The following SLC2A5 variants were observed in gnomAD, a reference collection of about 807,000 sequenced individuals.
The protein encoded by SLC2A5 is solute carrier family 2, facilitated glucose transporter member 5.
A neutral mutation model predicts 50.3 loss-of-function variants in SLC2A5; 56 were observed. The ratio of observed to expected loss-of-function variants is 1.11; its 90% confidence interval spans 0.90 to 1.39. SLC2A5 has a LOEUF of 1.39. Ranked by LOEUF, SLC2A5 falls within the 40% of genes most tolerant of loss-of-function variation. The pLI is 0.00. For synonymous variants in SLC2A5, 269 were observed against 281.9 expected, an observed-to-expected ratio of 0.95 and a Z score of 0.46; for missense variants, 566 against 650.1, an observed-to-expected ratio of 0.87 and a Z score of 1.41.
At chr1:9,061,605 CA>C (rs3083086) in intron 1 of SLC2A5, among the ~76,000 whole-genome samples, 43 of 142,890 alleles carry the variant, frequency 3.0e-4, no homozygotes, top group Non-Finnish European at 3.3e-4. Flanking sequence ...GACCCTGTCT[CA>C]AAAAAAAAAA....
chr1:9,078,723 C>A (rs1642319434), intron 2 of SLC2A5, among the ~76,000 whole-genome samples: 1 of 152,166 alleles, frequency 6.6e-6, no homozygotes, highest in Non-Finnish European at 1.5e-5. Context: ...ATGGGTGAGG[C>A]AGCTATCAGG....
chr1:9,059,144 T>C (rs1569882132), intron 1 of SLC2A5, among the ~76,000 whole-genome samples: 1 of 97,300 alleles, frequency 1.0e-5, no homozygotes, highest in East Asian at 3.6e-4. Flanking sequence ...TTCTTTTTTT[T>C]TTTTTTTTTT....
At chr1:9,060,855 C>T (rs1641922696) in intron 1 of SLC2A5, among the ~76,000 whole-genome samples, 1 of 151,964 alleles carries the variant, frequency 6.6e-6, no homozygotes, top group Non-Finnish European at 1.5e-5. Flanking sequence ...ACAAGCATTG[C>T]TCTAAGTGTT....
At chr1:9,070,628 C>T (rs1642194530), upstream of SLC2A5, among the ~76,000 whole-genome samples, 2 of 152,162 alleles carry the variant, frequency 1.3e-5, no homozygotes, top group African/African-American at 4.8e-5. Flanking sequence ...TCTCACAAGT[C>T]CCACAGGTTT....
intron 1 of SLC2A5, among the ~76,000 whole-genome samples, chr1:9,086,880 C>T (rs1228576124): frequency 1.3e-5 from 2 of 152,142 alleles, no homozygotes; most frequent in Non-Finnish European, 2.9e-5. Flanking sequence ...TAAATCCAGC[C>T]CCAAAACATC....
chr1:9,059,721 CAG>C (rs1641859435), intron 1 of SLC2A5, among the ~76,000 whole-genome samples: 1 of 151,158 alleles, frequency 6.6e-6, no homozygotes, highest in Non-Finnish European at 1.5e-5. Context: ...TTTATAGAGA[CAG>C]GGGTCTCATT....
intron 3 of SLC2A5, among the ~76,000 whole-genome samples, chr1:9,055,607 A>C (rs941028510): frequency 1.3e-5 from 2 of 152,114 alleles, no homozygotes; most frequent in African/African-American, 4.8e-5. Flanking sequence ...CTCATTAATA[A>C]AAGTTAGTTG....
At position 9,037,709 on chromosome 1, in the gene SLC2A5, C is replaced by T. The variant is rs146382802; in HGVS notation, c.1383G>A (p.Pro461=). ...LTTIYIFLIV[P]ETKAKTFIEI... ...CTATGAACGTCTTGGCCTTGGTCTC[C>T]GGGACAATCAAGAAGATGTAGATGG... The change falls in exon 12 of 12, where the codon CCG becomes CCA. Residue 461 remains proline (P), a synonymous_variant. Coordinates refer to ENST00000377424, the MANE Select transcript of SLC2A5 (RefSeq NM_003039.3). 1.6e-4 allele frequency: 261 copies of T among 1,614,144 alleles called. 2 individuals are homozygous for T. The African/African-American group carries it at 2.8e-3, about 17-fold the overall frequency.
chr1:9,076,207 C>T (rs1363255587), intron 2 of SLC2A5, among the ~76,000 whole-genome samples: 5 of 152,092 alleles, frequency 3.3e-5, no homozygotes, highest in Non-Finnish European at 2.9e-5. Flanking sequence ...CTGACCGCCT[C>T]GGCCTCCCAA....
rs771386381 is a variant in SLC2A5 at position 9,057,494 on chromosome 1, AC to A, written c.246del (p.Phe83LeufsTer11). The A allele has an allele frequency of 6.2e-7, 1 of 1,613,750 alleles. No homozygotes were observed. Among genetic ancestry groups the A allele is most frequent in the Non-Finnish European group, 8.5e-7 (1 of 1,179,898 alleles). ...SVTVSMFPFG[G>X]FIGSLLVGPL... ...GGGCCGACCAGGAGGGATCCGATAA[AC>A]CCTCCAAATGGAAACATGGACACGG... On this transcript the variant is annotated frameshift_variant, in exon 3 of 12. Transcript: ENST00000377424. LOFTEE classifies it high-confidence loss of function.
rs1641160527 is a variant in SLC2A5, at chr1:9,037,454, G to C, written c.*132C>G. On this transcript the variant is annotated 3_prime_UTR_variant, in exon 12 of 12. Coordinates refer to ENST00000377424, the MANE Select transcript of SLC2A5 (RefSeq NM_003039.3). ...GCACAGTTCCCACTGGGGTGGGGAGGCTGGAGATGAGGACTGCATTCCACA... is the reference window on the plus strand; with the variant it reads ...GCACAGTTCCCACTGGGGTGGGGAGCCTGGAGATGAGGACTGCATTCCACA... 1.3e-6 allele frequency: 1 copy of C among 748,910 alleles called. No individual in the cohort carries two copies. Among genetic ancestry groups the C allele is most frequent in the African/African-American group, 1.7e-5 (1 of 57,574 alleles). 46.4% of individuals were successfully genotyped at this position (748,910 alleles called of 1,614,324 possible). A position where few individuals can be genotyped will look rare whatever the true frequency, so the allele number is the denominator to read the frequency against.
At chr1:9,081,530 G>A (rs1642353587) in intron 2 of SLC2A5, among the ~76,000 whole-genome samples, 1 of 147,322 alleles carries the variant, frequency 6.8e-6, no homozygotes, top group South Asian at 2.1e-4. Flanking sequence ...TTTGCAAATC[G>A]TATATCTTAT....
At chr1:9,060,733 A>T (rs1280014794) in intron 1 of SLC2A5, among the ~76,000 whole-genome samples, 2 of 148,796 alleles carry the variant, frequency 1.3e-5, no homozygotes, top group African/African-American at 4.9e-5. Context: ...ACACACACAT[A>T]TGCACACACA....
At chr1:9,046,775 A>T (rs1226954731) in intron 4 of SLC2A5, among the ~76,000 whole-genome samples, 2 of 151,876 alleles carry the variant, frequency 1.3e-5, no homozygotes, top group Non-Finnish European at 2.9e-5. Context: ...TTATTGATTT[A>T]TATATATATT....
intron 2 of SLC2A5, among the ~76,000 whole-genome samples, chr1:9,075,775 C>T (rs1642274913): frequency 6.6e-6 from 1 of 151,946 alleles, no homozygotes; most frequent in Non-Finnish European, 1.5e-5. Flanking sequence ...ATTCTCCTGC[C>T]TCAACCTCCC....
rs116113747 is a variant in SLC2A5 at position 9,054,198 on chromosome 1, T to C, written c.293+3250A>G. Among the ~76,000 whole-genome samples, 666 of 152,168 alleles carry C rather than the reference T, an allele frequency of 4.4e-3. 4 individuals are homozygous for C. Among genetic ancestry groups the C allele is most frequent in the African/African-American group, 0.015 (618 of 41,508 alleles). ...TTTGTAGAGATATTGGCTGAAAAAG[T>C]CTCAGAACTGATGACAAAGACATGA... On this transcript the variant is annotated intron_variant, in intron 3 of 11. Transcript: ENST00000377424.
chr1:9,067,553 G>C (rs76942833), intron 1 of SLC2A5, among the ~76,000 whole-genome samples: 5,930 of 152,246 alleles, frequency 0.039, 361 homozygotes, highest in African/African-American at 0.13. Context: ...AAACACCTAA[G>C]TCCTCATCAC....
At chr1:9,052,728 T>C (rs1317288197) in intron 3 of SLC2A5, among the ~76,000 whole-genome samples, 3 of 152,028 alleles carry the variant, frequency 2.0e-5, no homozygotes, top group African/African-American at 7.2e-5. Context: ...ATAAAGTCTA[T>C]TTTTAATGGC....
chr1:9,048,515 A>C (rs1641492021), intron 3 of SLC2A5, among the ~76,000 whole-genome samples: 1 of 152,126 alleles, frequency 6.6e-6, no homozygotes, highest in Non-Finnish European at 1.5e-5. Context: ...CCACCTCAAA[A>C]AATAAATAAA....
Sources: gnomAD v4.1 joint callset for allele counts (sites outside exome capture counted in the v4.1 genomes callset) on GRCh38, gnomAD v4.1.1 for gene constraint, MANE v1.5 for transcripts, NCBI Gene and HGNC (gene_info 2026-07-23, HGNC 2026-07-21) for gene names.